The following GSK3B variants were observed in gnomAD, a reference collection of about 807,000 sequenced individuals.
The protein encoded by GSK3B is glycogen synthase kinase 3 beta.
Under a neutral mutation model 56.4 loss-of-function variants are expected in GSK3B, and 15 were observed. That is an observed-to-expected ratio of 0.27 (90% confidence interval 0.18 to 0.41). GSK3B has a LOEUF of 0.41. GSK3B is among the 10% of genes least tolerant of loss of function. The probability of loss-of-function intolerance (pLI) is 1.00; values close to 1 mark genes in which losing one functional copy is unlikely to be tolerated. For synonymous variants in GSK3B, 181 were observed against 188.9 expected, an observed-to-expected ratio of 0.96 and a Z score of 0.34; for missense variants, 300 against 513.4, an observed-to-expected ratio of 0.58 and a Z score of 4.02.
At chr3:119,922,846 C>T (rs2056856946) in intron 4 of GSK3B, among the ~76,000 whole-genome samples, 1 of 152,030 alleles carries the variant, frequency 6.6e-6, no homozygotes, top group Non-Finnish European at 1.5e-5. Context: ...AAATACCTAG[C>T]CATTCTGCCA....
At chr3:119,955,956 T>A (rs1336436638) in intron 2 of GSK3B, among the ~76,000 whole-genome samples, 1 of 152,086 alleles carries the variant, frequency 6.6e-6, no homozygotes, top group African/African-American at 2.4e-5. Context: ...CCCAGCCCAC[T>A]AATGTGTTTT....
At position 119,947,419 on chromosome 3, in the gene GSK3B, C is replaced by T. The variant is rs13312998; in HGVS notation, c.283-68G>A. 0.089 allele frequency: 85,993 copies of T among 962,868 alleles called. 4,678 individuals are homozygous for T. The highest frequency in any genetic ancestry group is 0.19 in the African/African-American group (11,569 of 61,654). 59.6% of individuals were successfully genotyped at this position (962,868 alleles called of 1,614,324 possible). A position where few individuals can be genotyped will look rare whatever the true frequency, so the allele number is the denominator to read the frequency against. On this transcript the variant is annotated intron_variant, in intron 2 of 10. Coordinates refer to ENST00000264235, the MANE Select transcript of GSK3B (RefSeq NM_001146156.2). ...GCTATTCATCATATTGAACAAGATGCTTCTGAAATAACATTAAGCACTAAA... is the reference window on the plus strand; with the variant it reads ...GCTATTCATCATATTGAACAAGATGTTTCTGAAATAACATTAAGCACTAAA...
In GSK3B at chr3:119,867,695, C is replaced by A. The variant is rs191900748; in HGVS notation, c.910-4090G>T. Among the ~76,000 whole-genome samples, 227 of 152,172 alleles carry A rather than the reference C, an allele frequency of 1.5e-3. 2 individuals carry two copies. Among genetic ancestry groups the A allele is most frequent in the African/African-American group, 5.2e-3 (214 of 41,520 alleles). Reference sequence around the variant, plus strand: ...GTCTATTATGTCTAGGTATTGAGAACAAAAAATGGCAGAACTCACCAGTAT... The same window carrying A: ...GTCTATTATGTCTAGGTATTGAGAAAAAAAAATGGCAGAACTCACCAGTAT... On this transcript the variant is annotated intron_variant, in intron 8 of 10. Coordinates refer to ENST00000264235, the MANE Select transcript of GSK3B (RefSeq NM_001146156.2).
chr3:120,093,178 G>T, intron 1 of GSK3B, among the ~76,000 whole-genome samples, 169 bp downstream of exon 1: 1 of 152,154 alleles, frequency 6.6e-6, no homozygotes, highest in South Asian at 2.1e-4. Flanking sequence ...GGGGGAGGGG[G>T]TATGGGAGGA....
intron 1 of GSK3B, among the ~76,000 whole-genome samples, chr3:120,080,358 A>G (rs2058408650): frequency 6.6e-6 from 1 of 151,348 alleles, no homozygotes; most frequent in Non-Finnish European, 1.5e-5. Flanking sequence ...TAGAAGGAAG[A>G]AGGAGAAGAC....
At chr3:119,999,158 T>A (rs2057651735) in intron 2 of GSK3B, among the ~76,000 whole-genome samples, 1 of 152,200 alleles carries the variant, frequency 6.6e-6, no homozygotes, top group Non-Finnish European at 1.5e-5. Flanking sequence ...GAGAATGAAA[T>A]AAAACCAATC....
chr3:119,831,818 A>G (rs1358713831), intron 10 of GSK3B, among the ~76,000 whole-genome samples: 1 of 152,224 alleles, frequency 6.6e-6, no homozygotes, highest in Non-Finnish European at 1.5e-5. Flanking sequence ...CTATAAACCA[A>G]TGCCCATTAT....
intron 9 of GSK3B, among the ~76,000 whole-genome samples, chr3:119,858,114 T>A (rs1355192520): frequency 2.0e-5 from 3 of 152,168 alleles, no homozygotes; most frequent in Non-Finnish European, 4.4e-5. Context: ...AGACTTAGCA[T>A]AATTCTTAAG....
intron 3 of GSK3B, among the ~76,000 whole-genome samples, chr3:119,929,109 A>G (rs2056918278): frequency 6.6e-6 from 1 of 152,210 alleles, no homozygotes; most frequent in South Asian, 2.1e-4. Flanking sequence ...ATGCAAAACT[A>G]GGGGTAACAA....
chr3:120,031,051 A>T (rs1173803945), intron 1 of GSK3B, among the ~76,000 whole-genome samples: 3 of 152,224 alleles, frequency 2.0e-5, no homozygotes, highest in Non-Finnish European at 2.9e-5. Context: ...ATGTAACTAG[A>T]CCTAACAAGT....
intron 1 of GSK3B, among the ~76,000 whole-genome samples, chr3:120,067,412 T>C (rs548381394): frequency 6.6e-6 from 1 of 152,290 alleles, no homozygotes; most frequent in Admixed American, 6.5e-5. Flanking sequence ...ACATCACAGC[T>C]TAGCCTAGCC....
intron 1 of GSK3B, among the ~76,000 whole-genome samples, chr3:120,075,120 G>A (rs902742749): frequency 6.6e-6 from 1 of 152,104 alleles, no homozygotes; most frequent in African/African-American, 2.4e-5. Context: ...TATATTAAGA[G>A]ACTGAAAGAA....
At chr3:119,987,322 A>G (rs1382357680) in intron 2 of GSK3B, among the ~76,000 whole-genome samples, 1 of 152,236 alleles carries the variant, frequency 6.6e-6, no homozygotes, top group African/African-American at 2.4e-5. Context: ...AACTTAAAGT[A>G]TAATAATAAA....
chr3:119,866,648 G>A, intron 8 of GSK3B: 2 of 1,562,582 alleles, frequency 1.3e-6, no homozygotes, highest in South Asian at 2.3e-5. Context: ...ATAATGCAGT[G>A]AAATAATCCA....
At chr3:120,004,562 C>A (rs889305270) in intron 1 of GSK3B, among the ~76,000 whole-genome samples, 6 of 152,186 alleles carry the variant, frequency 3.9e-5, no homozygotes, top group Non-Finnish European at 7.3e-5. Flanking sequence ...TGGGACGAAG[C>A]ATCCAGAGGA....
At position 119,904,479 on chromosome 3, in the gene GSK3B, A is replaced by G. The variant is rs534755260; in HGVS notation, c.813+1276T>C. ...GCAAATTGTAAGAAATTATATGGAT[A>G]ATAAAGAAGATCGCTTATTACACAC... On this transcript the variant is annotated intron_variant, in intron 7 of 10. Coordinates refer to ENST00000264235, the MANE Select transcript of GSK3B (RefSeq NM_001146156.2). 8.5e-5 allele frequency among the ~76,000 whole-genome samples: 13 copies of G among 152,310 alleles called. 1 individual carries two copies. In the East Asian group the frequency reaches 2.5e-3, roughly 29 times the overall value.
At chr3:119,895,295 G>GAT (rs971243982) in intron 7 of GSK3B, among the ~76,000 whole-genome samples, 14 of 152,088 alleles carry the variant, frequency 9.2e-5, no homozygotes, top group African/African-American at 2.4e-4. Flanking sequence ...CACTGTAGTG[G>GAT]ATATATATAT....
Position 119,936,663 on chromosome 3 carries a change from T to C in GSK3B, c.366+10605A>G, listed in dbSNP as rs534168090. On this transcript the variant is annotated intron_variant, in intron 3 of 10. Coordinates refer to ENST00000264235, the MANE Select transcript of GSK3B (RefSeq NM_001146156.2). ...GCACCTAGCCTTGGGTATCGTATGT[T>C]GATTAAAAAAATCAAGTCATCAAGG... Among the ~76,000 whole-genome samples the C allele has an allele frequency of 2.6e-5, 4 of 151,938 alleles. No homozygotes were observed. In the South Asian group the frequency reaches 8.3e-4, roughly 32 times the overall value.
Position 119,846,355 on chromosome 3 carries a change from C to A in GSK3B, c.1097-3002G>T, listed in dbSNP as rs148172695. On this transcript the variant is annotated intron_variant, in intron 9 of 10. Coordinates refer to ENST00000264235, the MANE Select transcript of GSK3B (RefSeq NM_001146156.2). Reference sequence around the variant, plus strand: ...CAAAAGAAACTATCATCAGAACAGGCAACCTACAGAATAAGAAAAATTTTT... The same window carrying A: ...CAAAAGAAACTATCATCAGAACAGGAAACCTACAGAATAAGAAAAATTTTT... Among the ~76,000 whole-genome samples the A allele has an allele frequency of 5.0e-4, 76 of 152,218 alleles. 2 individuals carry two copies. The East Asian group carries it at 0.01, about 21-fold the overall frequency.
Sources: allele counts gnomAD v4.1 joint callset (sites outside exome capture counted in the v4.1 genomes callset), GRCh38; gene constraint gnomAD v4.1.1; transcripts MANE v1.5; gene names NCBI Gene and HGNC (gene_info 2026-07-23, HGNC 2026-07-21).